Variants in SMOC2 observed in about 807,000 individuals in gnomAD.
The protein encoded by SMOC2 is SPARC related modular calcium binding 2.
Under a neutral mutation model 61.4 loss-of-function variants are expected in SMOC2, and 39 were observed. The observed-to-expected ratio is 0.64, with a 90% CI of 0.49 to 0.83. SMOC2 has a LOEUF of 0.83. Among genes scored for constraint, SMOC2 ranks in the 40% least tolerant of loss-of-function variants. SMOC2 has a pLI of 0.00. For missense variants in SMOC2, 556 were observed against 592.9 expected (o/e 0.94, Z 0.65); for synonymous variants, 247 against 239.9 (o/e 1.03, Z -0.27).
At chr6:168,659,867 G>A (rs888782160) in intron 11 of SMOC2, among the ~76,000 whole-genome samples, 24 of 152,374 alleles carry the variant, frequency 1.6e-4, no homozygotes, top group Non-Finnish European at 2.4e-4. Flanking sequence ...GTTGTGTGAG[G>A]ATGGAGATTG....
chr6:168,527,565 C>T lies in SMOC2; in HGVS notation c.364-63C>T, dbSNP rs961343871. 5.2e-5 allele frequency: 63 copies of T among 1,218,396 alleles called. No homozygotes were observed. In the South Asian group the frequency reaches 6.7e-4, roughly 13 times the overall value. The allele number at this position is 1,218,396 out of a possible 1,614,324, so 75.5% of individuals were successfully genotyped here. Reference sequence around the variant, plus strand: ...CTGCCGCAGAAAGCAGAGTGGGCCTCGCAGCCGTGAGGCGCTGCGCCACGG... The same window carrying T: ...CTGCCGCAGAAAGCAGAGTGGGCCTTGCAGCCGTGAGGCGCTGCGCCACGG... On this transcript the variant is annotated intron_variant, in intron 3 of 12. Transcript: ENST00000356284.
chr6:168,503,352 A>G (rs1782782292), intron 1 of SMOC2, among the ~76,000 whole-genome samples: 1 of 152,026 alleles, frequency 6.6e-6, no homozygotes, highest in Admixed American at 6.6e-5. Flanking sequence ...TGCTGGGATT[A>G]CAGGTGTGAG....
intron 4 of SMOC2, among the ~76,000 whole-genome samples, chr6:168,540,185 G>A (rs188849642): frequency 3.0e-4 from 45 of 152,370 alleles, no homozygotes; most frequent in Admixed American, 2.4e-3. Flanking sequence ...GTGGACACGT[G>A]ACAGGTGTGT....
chr6:168,465,100 C>G (rs988014821), intron 1 of SMOC2, among the ~76,000 whole-genome samples: 1 of 152,246 alleles, frequency 6.6e-6, no homozygotes, highest in African/African-American at 2.4e-5. Context: ...AGGAAGGGAA[C>G]CTGCCCAGCG....
intron 7 of SMOC2, among the ~76,000 whole-genome samples, chr6:168,557,790 A>T (rs1334399752): frequency 6.6e-6 from 1 of 152,228 alleles, no homozygotes; most frequent in African/African-American, 2.4e-5. Context: ...CTTATGAGGT[A>T]CCAGGCAAGG....
At chr6:168,585,183 C>A (rs1002549478) in intron 7 of SMOC2, among the ~76,000 whole-genome samples, 6 of 152,124 alleles carry the variant, frequency 3.9e-5, no homozygotes, top group Non-Finnish European at 8.8e-5. Flanking sequence ...GACATCAAAC[C>A]CCTGGGCTTA....
chr6:168,636,843 G>GCCTCCTGCCTCCCT (rs1490468903), intron 9 of SMOC2, among the ~76,000 whole-genome samples: 1 of 145,616 alleles, frequency 6.9e-6, no homozygotes, highest in Non-Finnish European at 1.5e-5. Flanking sequence ...TGGGGAATAT[G>GCCTCCTGCCTCCCT]CCTCCTGCCT....
chr6:168,608,637 T>G (rs910685483), intron 9 of SMOC2, among the ~76,000 whole-genome samples: 3 of 152,226 alleles, frequency 2.0e-5, no homozygotes, highest in Admixed American at 6.5e-5. Context: ...CAACAGTTCA[T>G]GAAGCTAAAG....
chr6:168,566,182 CTAT>C (rs1562351939), intron 7 of SMOC2, among the ~76,000 whole-genome samples: 1 of 152,112 alleles, frequency 6.6e-6, no homozygotes. Flanking sequence ...AACCTCTATC[CTAT>C]TATTTATCCT....
chr6:168,508,506 A>G (rs562435155), intron 1 of SMOC2, among the ~76,000 whole-genome samples: 17 of 152,326 alleles, frequency 1.1e-4, no homozygotes, highest in African/African-American at 4.1e-4. Flanking sequence ...GAGGGGTACA[A>G]TGCTGATTAG....
At chr6:168,664,401 T>C in intron 12 of SMOC2, 2 of 250,548 alleles carry the variant, frequency 8.0e-6, no homozygotes, top group South Asian at 4.4e-5. Flanking sequence ...TTTTTTTTTT[T>C]TTTTTTTTTT....
chr6:168,522,602 C>G (rs552115470), intron 2 of SMOC2, among the ~76,000 whole-genome samples: 2 of 152,306 alleles, frequency 1.3e-5, no homozygotes, highest in South Asian at 2.1e-4. Context: ...AGAAGGATAC[C>G]TCGTGTATGA....
chr6:168,497,801 A>G (rs1782629260), intron 1 of SMOC2, among the ~76,000 whole-genome samples: 1 of 152,162 alleles, frequency 6.6e-6, no homozygotes, highest in African/African-American at 2.4e-5. Context: ...TTTGCCCCCC[A>G]CAAAGCAAAA....
chr6:168,659,503 T>G, intron 11 of SMOC2, among the ~76,000 whole-genome samples: 2 of 152,034 alleles, frequency 1.3e-5, no homozygotes, highest in Non-Finnish European at 1.5e-5. Flanking sequence ...ATAGTATTGG[T>G]GAGGGTGGAG....
At chr6:168,489,119 C>T (rs929692914) in intron 1 of SMOC2, among the ~76,000 whole-genome samples, 19 of 148,836 alleles carry the variant, frequency 1.3e-4, no homozygotes, top group South Asian at 4.3e-4. Context: ...TATATCAAAT[C>T]GTCTGGGTCC....
rs147718791 is a variant in SMOC2 at position 168,500,478 on chromosome 6, G to T, written c.85-9437G>T. 7.7e-3 allele frequency among the ~76,000 whole-genome samples: 1,177 copies of T among 152,148 alleles called. 14 individuals are homozygous for T. Among genetic ancestry groups the T allele is most frequent in the African/African-American group, 0.025 (1,055 of 41,508 alleles). On this transcript the variant is annotated intron_variant, in intron 1 of 12. Transcript: ENST00000356284. ...AGCATTCACGCGTGGAACCTGACGGGGTCCCTCACGGAGGTGTTCTAGGGT... is the reference window on the plus strand; with the variant it reads ...AGCATTCACGCGTGGAACCTGACGGTGTCCCTCACGGAGGTGTTCTAGGGT...
At chr6:168,609,465 T>C (rs1480169357) in intron 9 of SMOC2, among the ~76,000 whole-genome samples, 4 of 152,160 alleles carry the variant, frequency 2.6e-5, no homozygotes, top group Non-Finnish European at 4.4e-5. Context: ...GAGATCACGA[T>C]GGTGCAAACA....
At chr6:168,611,489 A>C (rs1208596649) in intron 9 of SMOC2, among the ~76,000 whole-genome samples, 1 of 116,336 alleles carries the variant, frequency 8.6e-6, no homozygotes, top group Non-Finnish European at 1.8e-5. Flanking sequence ...TCCGGGACCC[A>C]CCGTGGCTCC....
In SMOC2 at chr6:168,651,900, G is replaced by A. The variant is rs201031524; in HGVS notation, c.1011-1054G>A. On this transcript the variant is annotated intron_variant, in intron 10 of 12. Transcript: ENST00000356284. The stretch of plus-strand genomic sequence containing the variant: ...TACTAAAAATACAAAACTTAATCCA[G>A]CATGGTGGCAGGCACCTGTAATCCC... Among the ~76,000 whole-genome samples, 8 of 152,134 alleles carry A rather than the reference G, an allele frequency of 5.3e-5. No individual in the cohort carries two copies. The East Asian group carries it at 1.6e-3, about 30-fold the overall frequency.
Sources: gnomAD v4.1 joint callset for allele counts (sites outside exome capture counted in the v4.1 genomes callset) on GRCh38, gnomAD v4.1.1 for gene constraint, MANE v1.5 for transcripts, NCBI Gene and HGNC (gene_info 2026-07-23, HGNC 2026-07-21) for gene names.